BTBD1: variants seen among roughly 807,000 people sequenced by gnomAD.
The protein encoded by BTBD1 is BTB domain containing 1.
In BTBD1, 34 loss-of-function variants were observed where a neutral mutation model predicts 48.0. The ratio of observed to expected loss-of-function variants is 0.71; its 90% confidence interval spans 0.54 to 0.94. BTBD1 has a LOEUF of 0.94. BTBD1 is among the 40% of genes least tolerant of loss of function. The pLI, the probability that BTBD1 is intolerant of heterozygous loss-of-function variation, is 0.00. For synonymous variants in BTBD1, 261 were observed against 242.1 expected (o/e 1.08, Z -0.72); for missense variants, 543 against 625.6 (o/e 0.87, Z 1.41).
At chr15:83,021,818 A>G (rs1466760112) in intron 5 of BTBD1, among the ~76,000 whole-genome samples, 2 of 151,942 alleles carry the variant, frequency 1.3e-5, no homozygotes, top group African/African-American at 4.8e-5. Context: ...ATAATGTCTT[A>G]CATTGCAAAA....
At chr15:83,032,854 C>A (rs2032546540) in intron 4 of BTBD1, among the ~76,000 whole-genome samples, 2 of 151,276 alleles carry the variant, frequency 1.3e-5, no homozygotes, top group Non-Finnish European at 2.9e-5. Flanking sequence ...TGCCTGTGAT[C>A]CTAGCTACTA....
At chr15:83,030,422 T>A in intron 4 of BTBD1, 94 bp from the exon 5 acceptor site, 1 of 1,066,090 alleles carries the variant, frequency 9.4e-7, no homozygotes, top group Non-Finnish European at 1.4e-6. Context: ...CTAGAGGACG[T>A]AACATAAAAA....
Position 83,041,441 on chromosome 15 carries a change from T to C in BTBD1, c.862+287A>G, listed in dbSNP as rs148704650. On this transcript the variant is annotated intron_variant, in intron 4 of 7. Transcript: ENST00000261721. ...CCCGGGCTGGAATGCAACGGCATGA[T>C]CTCGGCTCACTGCAACCTCCGTCTC... 7.1e-3 allele frequency among the ~76,000 whole-genome samples: 1,082 copies of C among 152,016 alleles called. 5 individuals are homozygous for C. Among genetic ancestry groups the C allele is most frequent in the Non-Finnish European group, 9.6e-3 (650 of 67,972 alleles).
chr15:83,026,588 T>G (rs560929834), intron 5 of BTBD1, among the ~76,000 whole-genome samples: 1 of 143,320 alleles, frequency 7.0e-6, no homozygotes, highest in East Asian at 2.3e-4. Flanking sequence ...AATGGTGCAA[T>G]ATTGGCTCAC....
At chr15:83,052,517 C>T (rs1478014917) in intron 2 of BTBD1, among the ~76,000 whole-genome samples, 4 of 152,064 alleles carry the variant, frequency 2.6e-5, no homozygotes, top group African/African-American at 4.8e-5. Flanking sequence ...CTTGCCCCAA[C>T]GTTTTTTAAT....
chr15:83,018,816 T>C lies in BTBD1; in HGVS notation c.1181A>G (p.Asn394Ser), dbSNP rs767387329. ...CCCATCACAACTAAAGCCGGTATCATTCTGTCCCAGGGTTTGCTTTTTCTC... is the reference window on the plus strand; with the variant it reads ...CCCATCACAACTAAAGCCGGTATCACTCTGTCCCAGGGTTTGCTTTTTCTC... ...EYEKKQTLGQ[N>S]DTGFSCDGTA... The change falls in exon 7 of 8, where the codon AAT becomes AGT. Residue 394 changes from asparagine (N) to serine (S), a missense_variant. Asn to Ser is a conservative substitution (Grantham distance 46, BLOSUM62 1). Transcript: ENST00000261721. 4.3e-6 allele frequency: 7 copies of C among 1,614,052 alleles called. No individual in the cohort carries two copies. Among genetic ancestry groups the C allele is most frequent in the Middle Eastern group, 1.6e-4 (1 of 6,062 alleles).
At chr15:83,030,472 A>G (rs1343259837) in intron 4 of BTBD1, 144 bp from the exon 5 acceptor site, 1 of 657,944 alleles carries the variant, frequency 1.5e-6, no homozygotes, top group African/African-American at 1.8e-5. Context: ...TTTTGCATAT[A>G]TTTTAAGGTT....
intron 3 of BTBD1, among the ~76,000 whole-genome samples, chr15:83,047,328 T>C (rs1466990474): frequency 6.6e-6 from 1 of 152,076 alleles, no homozygotes; most frequent in African/African-American, 2.4e-5. Flanking sequence ...GATGCCAAGA[T>C]TCAGGGGAAG....
At position 83,041,719 on chromosome 15, in the gene BTBD1, T is replaced by C. The variant is rs759246321; in HGVS notation, c.862+9A>G. ...TTTCAAATAGATTTTGGTGAATTTA[T>C]ACCCTTACCTGCTGCAAATTCCTCA... On this transcript the variant is annotated intron_variant, in intron 4 of 7. Coordinates refer to ENST00000261721, the MANE Select transcript of BTBD1 (RefSeq NM_025238.4). 1.0e-4 allele frequency: 164 copies of C among 1,612,870 alleles called. No individual in the cohort carries two copies. Among genetic ancestry groups the C allele is most frequent in the Non-Finnish European group, 1.3e-4 (155 of 1,179,008 alleles).
chr15:83,042,326 T>C (rs1361747705), intron 3 of BTBD1, among the ~76,000 whole-genome samples: 2 of 135,410 alleles, frequency 1.5e-5, no homozygotes, highest in Non-Finnish European at 3.2e-5. Context: ...AAGCACTACG[T>C]GCCAGGTACT....
chr15:83,043,380 G>A (rs751576693), intron 3 of BTBD1, among the ~76,000 whole-genome samples: 56 of 152,170 alleles, frequency 3.7e-4, no homozygotes, highest in Non-Finnish European at 6.9e-4. Context: ...GCCAGAGGCT[G>A]TGGGGAGAGG....
chr15:83,060,614 T>C (rs1234779282), intron 1 of BTBD1, among the ~76,000 whole-genome samples: 1 of 151,724 alleles, frequency 6.6e-6, no homozygotes, highest in Admixed American at 6.6e-5. Context: ...GCCAATATGG[T>C]AAAACCCCAT....
chr15:83,067,152 C>T lies in BTBD1; in HGVS notation c.-1G>A, dbSNP rs200228998. On this transcript the variant is annotated 5_prime_UTR_variant, in exon 1 of 8. Coordinates refer to ENST00000261721, the MANE Select transcript of BTBD1 (RefSeq NM_025238.4). ...CTGCGGCAGGCCCGAGTGAGGCCAT[C>T]CTCCAGCTGCGCGGTTGCCCACGTT... The T allele has an allele frequency of 2.2e-4, 309 of 1,421,732 alleles. 1 individual carries two copies. The African/African-American group carries it at 4.0e-3, about 18-fold the overall frequency. The allele number at this position is 1,421,732 out of a possible 1,614,324, so 88.1% of individuals were successfully genotyped here. A position where few individuals can be genotyped will look rare whatever the true frequency, so the allele number is the denominator to read the frequency against.
chr15:83,055,430 T>C (rs1596443440), intron 2 of BTBD1, among the ~76,000 whole-genome samples: 1 of 152,090 alleles, frequency 6.6e-6, no homozygotes, highest in Non-Finnish European at 1.5e-5. Flanking sequence ...GCTAATTTTT[T>C]TATTTTTAGT....
chr15:83,028,782 C>G (rs969497960), intron 5 of BTBD1: 2 of 152,052 alleles, frequency 1.3e-5, no homozygotes, highest in East Asian at 3.9e-4. Flanking sequence ...CAGAATAAAC[C>G]CAGAATTAAA....
At chr15:83,037,946 C>A (rs149316983) in intron 4 of BTBD1, among the ~76,000 whole-genome samples, 2 of 151,966 alleles carry the variant, frequency 1.3e-5, no homozygotes, top group Non-Finnish European at 2.9e-5. Context: ...TAGCTAGGCA[C>A]GGTGGCAGGC....
At chr15:83,023,830 T>C (rs1383852468) in intron 5 of BTBD1, among the ~76,000 whole-genome samples, 1 of 152,198 alleles carries the variant, frequency 6.6e-6, no homozygotes, top group African/African-American at 2.4e-5. Context: ...CTTTTGCCTT[T>C]GAGAAACTGA....
chr15:83,039,980 A>ATG lies in BTBD1; in HGVS notation c.862+1746_862+1747dup, dbSNP rs1476804944. Among the ~76,000 whole-genome samples the ATG allele has an allele frequency of 3.1e-5, 4 of 129,060 alleles. No homozygotes were observed. In the East Asian group the frequency reaches 8.0e-4, roughly 26 times the overall value. The allele number at this position is 129,060 out of a possible 152,430, so 84.7% of individuals were successfully genotyped here. A position where few individuals can be genotyped will look rare whatever the true frequency, so the allele number is the denominator to read the frequency against. ...CCATCAGTGGTAGACTGGGTAGAGAATGTGACACACACACACACACACACA... is the reference window on the plus strand; with the variant it reads ...CCATCAGTGGTAGACTGGGTAGAGAATGTGTGACACACACACACACACACACA... On this transcript the variant is annotated intron_variant, in intron 4 of 7. Coordinates refer to ENST00000261721, the MANE Select transcript of BTBD1 (RefSeq NM_025238.4).
Position 83,050,152 on chromosome 15 carries a change from A to G in BTBD1, c.585T>C (p.Leu195=), listed in dbSNP as rs779666874. The G allele has an allele frequency of 6.8e-6, 11 of 1,612,762 alleles. No individual in the cohort carries two copies. In the Admixed American group the frequency reaches 8.3e-5, roughly 12 times the overall value. The change falls in exon 3 of 8, where the codon CTT becomes CTC. Residue 195 remains leucine, a synonymous_variant. Transcript: ENST00000261721. ...TQARLFDEPQ[L]ASLCLDTIDK... ...CTATTGTATCTAGACAAAGACTAGC[A>G]AGCTGAGGTTCATCAAATAATCGAG... is the stretch of plus-strand genomic sequence containing the variant.
Sources: gnomAD v4.1 joint callset for allele counts (sites outside exome capture counted in the v4.1 genomes callset) on GRCh38, gnomAD v4.1.1 for gene constraint, MANE v1.5 for transcripts, NCBI Gene and HGNC (gene_info 2026-07-23, HGNC 2026-07-21) for gene names.